The following IL1RAPL2 variants were observed in gnomAD, a reference collection of about 807,000 sequenced individuals.
IL1RAPL2 encodes the protein interleukin 1 receptor accessory protein like 2, also known as X-linked interleukin-1 receptor accessory protein-like 2.
A neutral mutation model predicts 44.1 loss-of-function variants in IL1RAPL2; 3 were observed. The observed-to-expected ratio is 0.07, with a 90% CI of 0.03 to 0.18. The LOEUF (loss-of-function observed/expected upper bound fraction) is 0.18. IL1RAPL2 is among the 10% of genes least tolerant of loss of function. IL1RAPL2 has a pLI of 1.00. For synonymous variants in IL1RAPL2, 181 were observed against 178.8 expected (o/e 1.01, Z -0.10); for missense variants, 391 against 496.4 (o/e 0.79, Z 2.02).
At chrX:105,453,150 C>T (rs1602419195) in intron 5 of IL1RAPL2, among the ~76,000 whole-genome samples, 1 of 111,447 alleles carries the variant, frequency 9.0e-6, no homozygotes, top group African/African-American at 3.3e-5. Flanking sequence ...CTCTCCACCC[C>T]ACTCCCCGTA....
intron 5 of IL1RAPL2, among the ~76,000 whole-genome samples, chrX:105,340,761 C>T (rs1354394477): frequency 8.9e-6 from 1 of 112,191 alleles, no homozygotes; most frequent in African/African-American, 3.2e-5. Flanking sequence ...TCCCACCTCC[C>T]CATACTCTCA....
chrX:104,671,081 C>T (rs1349558072), intron 2 of IL1RAPL2, among the ~76,000 whole-genome samples: 1 of 110,688 alleles, frequency 9.0e-6, no homozygotes, highest in Admixed American at 9.7e-5. Context: ...CTTAAATATT[C>T]AATGGCCTGT....
intron 6 of IL1RAPL2, among the ~76,000 whole-genome samples, chrX:105,612,060 C>A (rs1372887779): frequency 9.0e-6 from 1 of 110,919 alleles, no homozygotes; most frequent in East Asian, 2.8e-4. Flanking sequence ...GGTATAGTTA[C>A]CTTTATAAGA....
At chrX:105,040,426 C>A (rs1180257585) in intron 2 of IL1RAPL2, among the ~76,000 whole-genome samples, 1 of 111,374 alleles carries the variant, frequency 9.0e-6, no homozygotes, top group Admixed American at 9.5e-5. Flanking sequence ...CCCTCTTTTT[C>A]TATTGATTGG....
At chrX:104,614,979 G>A (rs1422021699) in intron 1 of IL1RAPL2, among the ~76,000 whole-genome samples, 1 of 111,266 alleles carries the variant, frequency 9.0e-6, no homozygotes, top group Non-Finnish European at 1.9e-5. Flanking sequence ...TAGGCCATTT[G>A]CATTCAAGAT....
At position 105,717,335 on chromosome X, in the gene IL1RAPL2, C is replaced by A. The variant is rs768048153; in HGVS notation, c.773-32C>A. 5.2e-6 allele frequency: 6 copies of A among 1,150,554 alleles called. No individual in the cohort carries two copies. In the Admixed American group the frequency reaches 7.3e-5, roughly 14 times the overall value. The allele number at this position is 1,150,554 out of a possible 1,213,427, so 94.8% of individuals were successfully genotyped here. ...CTGTCTCCCACTGATAATCAGGAGT[C>A]ATTTGCTCATTTCTTTTTCTCTCAT... is the stretch of plus-strand genomic sequence containing the variant. On this transcript the variant is annotated intron_variant, in intron 6 of 10. Coordinates refer to ENST00000372582, the MANE Select transcript of IL1RAPL2 (RefSeq NM_017416.2).
chrX:105,416,605 C>T (rs752062632), intron 5 of IL1RAPL2, among the ~76,000 whole-genome samples: 54 of 112,014 alleles, frequency 4.8e-4, no homozygotes, highest in African/African-American at 1.7e-3. Context: ...TATTTTTACT[C>T]CTTTAAATTA....
At chrX:105,040,963 G>A (rs1404688631) in intron 2 of IL1RAPL2, among the ~76,000 whole-genome samples, 3 of 99,982 alleles carry the variant, frequency 3.0e-5, no homozygotes, top group African/African-American at 7.8e-5. Context: ...TCTTTTAATT[G>A]TGATGTTAGG....
At chrX:105,073,864 C>T (rs1228997777) in intron 2 of IL1RAPL2, among the ~76,000 whole-genome samples, 2 of 111,281 alleles carry the variant, frequency 1.8e-5, no homozygotes, top group African/African-American at 6.6e-5. Context: ...TGTTCATATC[C>T]TTTGCCCACT....
chrX:104,807,944 T>G (rs1932934841), intron 2 of IL1RAPL2, among the ~76,000 whole-genome samples: 1 of 111,963 alleles, frequency 8.9e-6, no homozygotes, highest in Admixed American at 9.5e-5. Flanking sequence ...AGTGGGGAAG[T>G]CAAGATTTGG....
At chrX:105,023,990 G>A (rs933833436) in intron 2 of IL1RAPL2, among the ~76,000 whole-genome samples, 1 of 110,911 alleles carries the variant, frequency 9.0e-6, no homozygotes, top group Admixed American at 9.6e-5. Flanking sequence ...AAAGACAGTG[G>A]CTTCATGCTG....
chrX:104,946,089 C>T (rs1177695547), intron 2 of IL1RAPL2, among the ~76,000 whole-genome samples: 1 of 109,395 alleles, frequency 9.1e-6, no homozygotes, highest in African/African-American at 3.3e-5. Flanking sequence ...TGCATCTTCA[C>T]AACGATTTTT....
rs757778175 is a variant in IL1RAPL2, at chrX:104,823,881, CTT to C, written c.82+164888_82+164889del. ...CTTCCTATTTGCATACCGTTTATTT[CTT>C]TCTCTTGCCTGATTGCCCTAGCCAG... On this transcript the variant is annotated intron_variant, in intron 2 of 10. Transcript: ENST00000372582. Among the ~76,000 whole-genome samples, 7 of 111,995 alleles carry C rather than the reference CTT, an allele frequency of 6.3e-5. No individual in the cohort carries two copies. The East Asian group carries it at 2.0e-3, about 31-fold the overall frequency.
intron 2 of IL1RAPL2, among the ~76,000 whole-genome samples, chrX:105,034,332 GT>G (rs1388379314): frequency 1.8e-5 from 2 of 111,814 alleles, no homozygotes; most frequent in Non-Finnish European, 3.8e-5. Flanking sequence ...TTTCTGCTCT[GT>G]TTTTTCCCCA....
intron 1 of IL1RAPL2, chrX:104,647,908 A>T: frequency 1.5e-6 from 1 of 648,399 alleles, no homozygotes; most frequent in Non-Finnish European, 2.5e-6. Context: ...TGTGACCAGC[A>T]TCCACATTAT....
At chrX:104,909,673 G>A (rs971694648) in intron 2 of IL1RAPL2, among the ~76,000 whole-genome samples, 8 of 112,001 alleles carry the variant, frequency 7.1e-5, no homozygotes, top group Middle Eastern at 4.2e-3. Flanking sequence ...CAGGGGTCAG[G>A]CACCCACTTG....
chrX:105,650,442 T>A (rs1357261467), intron 6 of IL1RAPL2, among the ~76,000 whole-genome samples: 2 of 111,695 alleles, frequency 1.8e-5, no homozygotes, highest in Non-Finnish European at 3.8e-5. Flanking sequence ...GTGACCAGGG[T>A]TCCTGGGACT....
At chrX:105,723,556 C>CT (rs1207381836) in intron 7 of IL1RAPL2, among the ~76,000 whole-genome samples, 2 of 111,547 alleles carry the variant, frequency 1.8e-5, no homozygotes. Context: ...GAGCACCCCA[C>CT]TGTCAGCACC....
At chrX:104,630,989 CT>C (rs1281797653) in intron 1 of IL1RAPL2, among the ~76,000 whole-genome samples, 2 of 110,528 alleles carry the variant, frequency 1.8e-5, no homozygotes, top group Non-Finnish European at 3.8e-5. Context: ...TCCTACCCCC[CT>C]CCCACACCCC....
Sources: gnomAD v4.1 joint callset for allele counts (sites outside exome capture counted in the v4.1 genomes callset) on GRCh38, gnomAD v4.1.1 for gene constraint, MANE v1.5 for transcripts, NCBI Gene and HGNC (gene_info 2026-07-23, HGNC 2026-07-21) for gene names.